The following STK33 variants were observed in gnomAD, a reference collection of about 807,000 sequenced individuals.
STK33 encodes serine/threonine-protein kinase 33.
In STK33, 52 loss-of-function variants were observed where a neutral mutation model predicts 58.0. That is an observed-to-expected ratio of 0.90 (90% confidence interval 0.72 to 1.13). The LOEUF (loss-of-function observed/expected upper bound fraction) is 1.13. STK33 is among the 50% of genes most tolerant of loss of function. STK33 has a pLI of 0.00. For synonymous variants in STK33, 215 were observed against 200.1 expected (o/e 1.07, Z -0.63); for missense variants, 630 against 604.2 (o/e 1.04, Z -0.45).
At chr11:8,389,822 A>G (rs925069478), downstream of STK33, among the ~76,000 whole-genome samples, 6 of 152,014 alleles carry the variant, frequency 3.9e-5, no homozygotes, top group Non-Finnish European at 7.4e-5. Context: ...TCCTACTCAA[A>G]ATGAAAGGAC....
At chr11:8,582,808 A>G (rs2141375313) in intron 1 of STK33, among the ~76,000 whole-genome samples, 1 of 152,366 alleles carries the variant, frequency 6.6e-6, no homozygotes, top group East Asian at 1.9e-4. Flanking sequence ...GTTCAGAAAC[A>G]TAAAACCAAT....
intron 15 of STK33, among the ~76,000 whole-genome samples, chr11:8,397,415 T>G (rs998079672): frequency 6.6e-6 from 1 of 151,960 alleles, no homozygotes; most frequent in African/African-American, 2.4e-5. Context: ...ACTGTTAGAA[T>G]AAAAACTAAC....
chr11:8,382,669 G>C, the STK33 span, among the ~76,000 whole-genome samples: 94,478 of 152,054 alleles, frequency 0.62, 30,599 homozygotes, highest in African/African-American at 0.8. Flanking sequence ...CAGGTCCTGT[G>C]TGAGGTTGCC....
At chr11:8,428,343 A>G (rs997614607) in intron 14 of STK33, among the ~76,000 whole-genome samples, 1 of 152,216 alleles carries the variant, frequency 6.6e-6, no homozygotes, top group African/African-American at 2.4e-5. Flanking sequence ...AAGAGGAAAA[A>G]GGAAAAACCG....
At chr11:8,514,456 G>A (rs1952599605) in intron 1 of STK33, among the ~76,000 whole-genome samples, 1 of 152,202 alleles carries the variant, frequency 6.6e-6, no homozygotes, top group Non-Finnish European at 1.5e-5. Flanking sequence ...TCTATTTGGA[G>A]ATGCTTGCCA....
intron 1 of STK33, among the ~76,000 whole-genome samples, chr11:8,488,195 G>A (rs1302738660): frequency 6.6e-6 from 1 of 152,140 alleles, no homozygotes; most frequent in Non-Finnish European, 1.5e-5. Context: ...CCTTCCCAGG[G>A]ATTTGTAATT....
At chr11:8,446,682 A>G (rs1160593879) in intron 11 of STK33, among the ~76,000 whole-genome samples, 1 of 152,208 alleles carries the variant, frequency 6.6e-6, no homozygotes, top group Non-Finnish European at 1.5e-5. Flanking sequence ...CAACCATCTG[A>G]TCTTTGACAA....
At chr11:8,492,504 T>C (rs939370988) in intron 1 of STK33, among the ~76,000 whole-genome samples, 1 of 152,074 alleles carries the variant, frequency 6.6e-6, no homozygotes, top group Non-Finnish European at 1.5e-5. Flanking sequence ...AACAGAAGAC[T>C]ATAACACCCC....
intron 1 of STK33, among the ~76,000 whole-genome samples, chr11:8,494,724 C>A (rs183857111): frequency 1.0e-3 from 152 of 152,214 alleles, no homozygotes; most frequent in African/African-American, 3.5e-3. Flanking sequence ...CCAAAACAGC[C>A]TGGTACTGGT....
chr11:8,408,214 G>A (rs986624982), intron 15 of STK33, among the ~76,000 whole-genome samples: 1 of 152,104 alleles, frequency 6.6e-6, no homozygotes, highest in Non-Finnish European at 1.5e-5. Context: ...AGAGATAAAT[G>A]GACCCAAATT....
the STK33 span, among the ~76,000 whole-genome samples, chr11:8,378,903 G>A: frequency 1.3e-5 from 2 of 152,122 alleles, no homozygotes; most frequent in African/African-American, 2.4e-5. Context: ...ATACTACAAG[G>A]CTATGGTTAC....
intron 1 of STK33, among the ~76,000 whole-genome samples, chr11:8,532,675 G>C (rs969328208): frequency 3.3e-5 from 5 of 152,204 alleles, no homozygotes; most frequent in African/African-American, 9.7e-5. Context: ...AAGAGGATGT[G>C]AGACTGCCCA....
intron 1 of STK33, among the ~76,000 whole-genome samples, chr11:8,499,688 C>T (rs1951357086): frequency 1.3e-5 from 2 of 152,096 alleles, no homozygotes; most frequent in African/African-American, 4.8e-5. Flanking sequence ...CCATCAATGA[C>T]AAACTGGATA....
intron 1 of STK33, chr11:8,555,266 G>A (rs1956656118): frequency 6.6e-6 from 1 of 152,352 alleles, no homozygotes; most frequent in African/African-American, 2.4e-5. Context: ...AGGAGGGAAG[G>A]AATGGAAAGC....
chr11:8,376,510 G>T, the STK33 span, among the ~76,000 whole-genome samples: 1 of 151,806 alleles, frequency 6.6e-6, no homozygotes, highest in African/African-American at 2.4e-5. Flanking sequence ...AGAGGCATTT[G>T]CAATACAGTC....
intron 11 of STK33, among the ~76,000 whole-genome samples, chr11:8,450,958 G>A (rs1946202390): frequency 6.6e-6 from 1 of 152,178 alleles, no homozygotes; most frequent in East Asian, 1.9e-4. Flanking sequence ...CTCAACATCA[G>A]TAATCATTAG....
intron 3 of STK33, 99 bp downstream of exon 3, chr11:8,477,139 TACACACACACAC>T (rs146828395): frequency 5.0e-5 from 7 of 141,156 alleles, no homozygotes; most frequent in Admixed American, 7.1e-5. Context: ...CCACTCAAAA[TACACACACACAC>T]ACACACACAC....
chr11:8,506,381 A>G (rs1381775159), intron 1 of STK33, among the ~76,000 whole-genome samples: 3 of 152,184 alleles, frequency 2.0e-5, no homozygotes, highest in Non-Finnish European at 4.4e-5. Context: ...TTGCTGCTGT[A>G]ACAAATCAGC....
intron 8 of STK33, among the ~76,000 whole-genome samples, chr11:8,460,348 G>A (rs777658468): frequency 2.6e-5 from 4 of 151,902 alleles, no homozygotes; most frequent in South Asian, 2.1e-4. Context: ...CAAGAAGACC[G>A]AGCGTGTTAA....
Sources: allele counts gnomAD v4.1 joint callset (sites outside exome capture counted in the v4.1 genomes callset), GRCh38; gene constraint gnomAD v4.1.1; transcripts MANE v1.5; gene names NCBI Gene and HGNC (gene_info 2026-07-23, HGNC 2026-07-21).